SEMA3D: variants seen among roughly 807,000 people sequenced by gnomAD.
SEMA3D encodes the protein semaphorin 3D.
Under a neutral mutation model 100.1 loss-of-function variants are expected in SEMA3D, and 84 were observed. That is an observed-to-expected ratio of 0.84 (90% CI 0.70 to 1.01). The LOEUF is 1.01. Among genes scored for constraint, SEMA3D ranks in the 50% least tolerant of loss-of-function variants. The pLI is 0.00. For synonymous variants in SEMA3D, 312 were observed against 320.7 expected (o/e 0.97, Z 0.29); for missense variants, 875 against 934.1 (o/e 0.94, Z 0.82).
chr7:85,062,928 A>G (rs964895369), intron 8 of SEMA3D, among the ~76,000 whole-genome samples: 5 of 152,168 alleles, frequency 3.3e-5, no homozygotes, highest in Non-Finnish European at 7.4e-5. Context: ...AAGGCAGTCA[A>G]TAATACAAAA....
At chr7:85,072,361 C>T (rs1396390197) in intron 6 of SEMA3D, among the ~76,000 whole-genome samples, 1 of 152,106 alleles carries the variant, frequency 6.6e-6, no homozygotes, top group Non-Finnish European at 1.5e-5. Flanking sequence ...ATATTCTTTA[C>T]TTAGTGTCCA....
chr7:85,055,753 A>T lies in SEMA3D; in HGVS notation c.825T>A (p.Asp275Glu). 1 of 1,557,124 alleles carries T rather than the reference A, an allele frequency of 6.4e-7. No homozygotes were observed. Residue 275 changes from aspartate to glutamate, a missense_variant, in exon 9 of 19, where the codon GAT (aspartate) becomes GAA (glutamate). Coordinates refer to ENST00000284136, the MANE Select transcript of SEMA3D (RefSeq NM_001384900.1). ...RESSQEGSTS[D>E]KTILSRVGRV... Reference sequence around the variant, plus strand: ...TTCCAACTCGAGAAAGGATGGTTTTATCGGAGGTACTGCCTTCTTGAGATG... The same window carrying T: ...TTCCAACTCGAGAAAGGATGGTTTTTTCGGAGGTACTGCCTTCTTGAGATG...
At chr7:85,046,922 A>C (rs957971215) in intron 9 of SEMA3D, among the ~76,000 whole-genome samples, 1 of 152,008 alleles carries the variant, frequency 6.6e-6, no homozygotes, top group African/African-American at 2.4e-5. Context: ...AGCAGTTTTT[A>C]GTCACCAGGC....
intron 3 of SEMA3D, among the ~76,000 whole-genome samples, chr7:85,099,254 C>G (rs911867753): frequency 6.6e-6 from 1 of 151,762 alleles, no homozygotes; most frequent in African/African-American, 2.4e-5. Flanking sequence ...GGTGGGAGAT[C>G]ATTGAATCAT....
intron 3 of SEMA3D, among the ~76,000 whole-genome samples, chr7:85,106,558 GTA>G (rs1788931460): frequency 6.6e-6 from 1 of 152,018 alleles, no homozygotes. Flanking sequence ...TCAAGTATAT[GTA>G]TATCAAAAAA....
intron 2 of SEMA3D, among the ~76,000 whole-genome samples, chr7:85,134,396 G>A (rs1033845571): frequency 1.3e-5 from 2 of 151,922 alleles, no homozygotes; most frequent in African/African-American, 2.4e-5. Flanking sequence ...AACCAAAAAT[G>A]TTTATGCATA....
intron 11 of SEMA3D, among the ~76,000 whole-genome samples, chr7:85,037,573 A>C (rs1489681015): frequency 6.6e-6 from 1 of 152,142 alleles, no homozygotes; most frequent in Non-Finnish European, 1.5e-5. Context: ...CATAAACATT[A>C]GTTGCTAAAT....
intron 1 of SEMA3D, chr7:85,159,764 T>C: frequency 2.5e-6 from 2 of 811,876 alleles, no homozygotes; most frequent in Non-Finnish European, 3.0e-6. Context: ...AATGATTTGA[T>C]GTAGCTGCAG....
At chr7:85,191,881 C>A (rs1389477569), upstream of SEMA3D, among the ~76,000 whole-genome samples, 1 of 152,074 alleles carries the variant, frequency 6.6e-6, no homozygotes, top group African/African-American at 2.4e-5. Context: ...AGTTTCTTTG[C>A]TAAATATTGA....
intron 10 of SEMA3D, 77 bp from the exon 11 acceptor site, chr7:85,040,819 A>AT: frequency 1.4e-6 from 1 of 706,570 alleles, no homozygotes. Context: ...CACAACTGAA[A>AT]CTCTGAAAAT....
chr7:85,248,289 A>G, the SEMA3D span, among the ~76,000 whole-genome samples: 2 of 152,148 alleles, frequency 1.3e-5, no homozygotes, highest in Admixed American at 1.3e-4. Context: ...ACTACACACT[A>G]CCAGAATGCC....
intron 16 of SEMA3D, 132 bp from the exon 17 acceptor site, chr7:85,012,978 C>A: frequency 1.6e-6 from 1 of 620,002 alleles, no homozygotes. Context: ...AAATGCAAGT[C>A]AATATTCCAA....
At position 85,029,516 on chromosome 7, in the gene SEMA3D, C is replaced by A. The variant is rs957616027; in HGVS notation, c.1192-6903G>T. The A allele has an allele frequency of 2.7e-5, 17 of 620,276 alleles. No individual in the cohort carries two copies. In the Admixed American group the frequency reaches 3.5e-4, roughly 13 times the overall value. The allele number at this position is 620,276 out of a possible 1,614,324, so 38.4% of individuals were successfully genotyped here. On this transcript the variant is annotated intron_variant, in intron 12 of 18. Transcript: ENST00000284136. ...AACTGGCTCGACAAGAATCAGACTG[C>A]AGAGAAGGAAGAATTTGAACATGCA... is the stretch of plus-strand genomic sequence containing the variant.
At chr7:85,039,969 CTTTTTT>C (rs776990536) in intron 11 of SEMA3D, among the ~76,000 whole-genome samples, 9 of 90,622 alleles carry the variant, frequency 9.9e-5, no homozygotes, top group South Asian at 7.0e-4. Context: ...TACGCAAACA[CTTTTTT>C]TTTTTTTTTT....
the SEMA3D span, among the ~76,000 whole-genome samples, chr7:85,210,908 T>G: frequency 3.3e-5 from 5 of 151,764 alleles, no homozygotes; most frequent in African/African-American, 4.8e-5. Flanking sequence ...TCTGTTTTTA[T>G]TCATGTATTA....
intron 17 of SEMA3D, among the ~76,000 whole-genome samples, chr7:85,008,487 T>C (rs995426270): frequency 6.6e-6 from 1 of 151,788 alleles, no homozygotes; most frequent in Non-Finnish European, 1.5e-5. Flanking sequence ...ACTTTAAAAG[T>C]TTTTAAACGT....
the SEMA3D span, among the ~76,000 whole-genome samples, chr7:85,231,436 CTTTTTTTTTTTTTT>C: frequency 4.2e-5 from 5 of 117,870 alleles, no homozygotes; most frequent in African/African-American, 6.8e-5. Flanking sequence ...CAATCTTTCC[CTTTTTTTTTTTTTT>C]TTTTTTTTTT....
Position 85,029,233 on chromosome 7 carries a change from T to C in SEMA3D, c.1192-6620A>G, listed in dbSNP as rs1584535297. 12 of 743,890 alleles carry C rather than the reference T, an allele frequency of 1.6e-5. No homozygotes were observed. The East Asian group carries it at 3.0e-4, about 19-fold the overall frequency. 46.1% of individuals were successfully genotyped at this position (743,890 alleles called of 1,614,324 possible). ...CATCAGATTGAAGTCACCTTTGATA[T>C]TAATGCCAAGGGCATCCTCAATGTC... is the stretch of plus-strand genomic sequence containing the variant. On this transcript the variant is annotated intron_variant, in intron 12 of 18. Transcript: ENST00000284136.
intron 3 of SEMA3D, among the ~76,000 whole-genome samples, chr7:85,102,303 C>T (rs908322771): frequency 1.3e-5 from 2 of 152,072 alleles, no homozygotes; most frequent in East Asian, 1.9e-4. Flanking sequence ...CCAGGTTGCA[C>T]GTACATACTG....
Sources: allele counts gnomAD v4.1 joint callset (sites outside exome capture counted in the v4.1 genomes callset), GRCh38; gene constraint gnomAD v4.1.1; transcripts MANE v1.5; gene names NCBI Gene and HGNC (gene_info 2026-07-23, HGNC 2026-07-21).